Variants in MRPS28 observed in about 807,000 individuals in gnomAD.
MRPS28 encodes the protein small ribosomal subunit protein bS1m.
In MRPS28, 7 loss-of-function variants were observed where a neutral mutation model predicts 10.8. That is an observed-to-expected ratio of 0.65 (90% CI 0.37 to 1.22). MRPS28 has a LOEUF of 1.22. Ranked by LOEUF, MRPS28 falls within the 50% of genes most tolerant of loss-of-function variation. MRPS28 has a pLI of 0.02. For synonymous variants in MRPS28, 121 were observed against 93.3 expected (o/e 1.30, Z -1.71); for missense variants, 265 against 232.9 (o/e 1.14, Z -0.90).
chr8:79,998,955 AGTT>A (rs775502559), intron 2 of MRPS28, among the ~76,000 whole-genome samples: 17 of 152,362 alleles, frequency 1.1e-4, no homozygotes, highest in Non-Finnish European at 2.4e-4. Context: ...TATTTCAATT[AGTT>A]ATTTTTCATT....
intron 2 of MRPS28, among the ~76,000 whole-genome samples, chr8:79,941,623 G>T (rs970897711): frequency 3.9e-5 from 6 of 152,122 alleles, no homozygotes; most frequent in African/African-American, 1.2e-4. Context: ...ATGAAATAGA[G>T]TTCTTTCAAG....
chr8:79,964,439 T>C (rs1807453003), intron 2 of MRPS28, among the ~76,000 whole-genome samples: 1 of 152,084 alleles, frequency 6.6e-6, no homozygotes, highest in South Asian at 2.1e-4. Flanking sequence ...CCAAAAAACC[T>C]AGTTAGAGCA....
chr8:80,029,559 T>C (rs935725373), intron 1 of MRPS28, among the ~76,000 whole-genome samples: 2 of 152,142 alleles, frequency 1.3e-5, no homozygotes, highest in African/African-American at 4.8e-5. Context: ...CTTGCCCAAG[T>C]TCAGAAAGTG....
intron 2 of MRPS28, among the ~76,000 whole-genome samples, chr8:79,932,145 C>T (rs974896143): frequency 6.6e-6 from 1 of 152,126 alleles, no homozygotes; most frequent in Non-Finnish European, 1.5e-5. Context: ...CTAGATGCTG[C>T]AATAACCAGT....
rs1486473395 is a variant in MRPS28 at position 80,030,219 on chromosome 8, C to T, written c.30G>A (p.Val10=). 1 of 1,614,046 alleles carries T rather than the reference C, an allele frequency of 6.2e-7. No homozygotes were observed. Among genetic ancestry groups the T allele is most frequent in the Non-Finnish European group, 8.5e-7 (1 of 1,180,054 alleles). MAALCRTRA[V]AAESHFLRVF... is the part of the protein sequence containing the mutation. ...CTCGCAGAAAATGGCTCTCGGCAGCCACAGCACGGGTCCGACACAGCGCCG... is the reference window on the plus strand; with the variant it reads ...CTCGCAGAAAATGGCTCTCGGCAGCTACAGCACGGGTCCGACACAGCGCCG... Residue 10 remains valine (V), a synonymous_variant, in exon 1 of 3, where the codon GTG becomes GTA. Transcript: ENST00000276585.
At chr8:79,957,017 G>A (rs1807233520) in intron 2 of MRPS28, 1 of 152,196 alleles carries the variant, frequency 6.6e-6, no homozygotes, top group South Asian at 2.1e-4. Flanking sequence ...CCTGCCGCAT[G>A]AATTCTGAGC....
At chr8:80,000,226 G>C (rs1032684768) in intron 2 of MRPS28, among the ~76,000 whole-genome samples, 1 of 152,166 alleles carries the variant, frequency 6.6e-6, no homozygotes, top group African/African-American at 2.4e-5. Flanking sequence ...CCTCCCTCTT[G>C]ATGATCCTCA....
At position 79,922,991 on chromosome 8, in the gene MRPS28, C is replaced by T. The variant is rs149351170; in HGVS notation, c.396-3843G>A. Among the ~76,000 whole-genome samples, 240 of 152,134 alleles carry T rather than the reference C, an allele frequency of 1.6e-3. 2 individuals carry two copies. Among genetic ancestry groups the T allele is most frequent in the African/African-American group, 5.4e-3 (226 of 41,530 alleles). On this transcript the variant is annotated intron_variant, in intron 2 of 2. Transcript: ENST00000276585. ...TGTTCTGAAGAAATTTACGTATGGT[C>T]CATCAAGTAAACATTTAGGCTATTC...
At chr8:79,946,809 C>CAAA (rs959541550) in intron 2 of MRPS28, among the ~76,000 whole-genome samples, 1 of 152,034 alleles carries the variant, frequency 6.6e-6, no homozygotes, top group Non-Finnish European at 1.5e-5. Flanking sequence ...AAATAACAAG[C>CAAA]GTTTGTATTT....
intron 2 of MRPS28, among the ~76,000 whole-genome samples, chr8:79,946,217 T>C (rs1806914252): frequency 6.6e-6 from 1 of 152,148 alleles, no homozygotes; most frequent in Admixed American, 6.5e-5. Context: ...ATAATCAAAA[T>C]GTCCCATCTT....
intron 1 of MRPS28, among the ~76,000 whole-genome samples, chr8:80,026,695 GCAC>G (rs1261907245): frequency 6.6e-6 from 1 of 152,046 alleles, no homozygotes; most frequent in African/African-American, 2.4e-5. Flanking sequence ...TGTTACTCTG[GCAC>G]CACAAGTTAA....
chr8:80,026,563 T>C (rs1481388964), intron 1 of MRPS28, among the ~76,000 whole-genome samples: 2 of 152,206 alleles, frequency 1.3e-5, no homozygotes, highest in African/African-American at 4.8e-5. Context: ...GTGCCCACTA[T>C]GGGTCAAGGA....
At chr8:80,021,659 C>T (rs1563545379) in intron 1 of MRPS28, among the ~76,000 whole-genome samples, 1 of 152,176 alleles carries the variant, frequency 6.6e-6, no homozygotes. Flanking sequence ...CACTGCATTG[C>T]TTCTAACAAC....
At chr8:79,925,925 T>G (rs1443130693) in intron 2 of MRPS28, among the ~76,000 whole-genome samples, 1 of 148,526 alleles carries the variant, frequency 6.7e-6, no homozygotes, top group African/African-American at 2.5e-5. Flanking sequence ...TGGTCGAGGC[T>G]ATAGTAAGCC....
chr8:79,949,283 A>G (rs2129962776), intron 2 of MRPS28, among the ~76,000 whole-genome samples: 1 of 152,210 alleles, frequency 6.6e-6, no homozygotes, highest in South Asian at 2.1e-4. Context: ...GCGCTGTGGT[A>G]GGCGCCTGTA....
At chr8:79,945,369 T>C (rs1264386111) in intron 2 of MRPS28, among the ~76,000 whole-genome samples, 5 of 152,096 alleles carry the variant, frequency 3.3e-5, no homozygotes, top group East Asian at 1.9e-4. Flanking sequence ...TCAGCACACA[T>C]AGGCACCAGA....
Position 80,011,138 on chromosome 8 carries a change from T to A in MRPS28, c.214-7958A>T, listed in dbSNP as rs577454555. Among the ~76,000 whole-genome samples the A allele has an allele frequency of 5.7e-3, 808 of 141,388 alleles. 4 individuals carry two copies. Among genetic ancestry groups the A allele is most frequent in the East Asian group, 0.034 (171 of 5,046 alleles). 92.8% of individuals were successfully genotyped at this position (141,388 alleles called of 152,430 possible). On this transcript the variant is annotated intron_variant, in intron 1 of 2. Coordinates refer to ENST00000276585, the MANE Select transcript of MRPS28 (RefSeq NM_014018.3). ...ATTCTTTTTTTTTTATTTTTTTATT[T>A]TTATTTTTTTTTGTAAGCCATTCTT...
chr8:79,931,630 T>C (rs1441009762), intron 2 of MRPS28, among the ~76,000 whole-genome samples: 1 of 152,154 alleles, frequency 6.6e-6, no homozygotes, highest in African/African-American at 2.4e-5. Context: ...ATAATGCATA[T>C]AAAAGACTTA....
intron 2 of MRPS28, among the ~76,000 whole-genome samples, chr8:79,979,560 G>A (rs575914945): frequency 6.6e-6 from 1 of 152,102 alleles, no homozygotes; most frequent in East Asian, 1.9e-4. Context: ...GTCTTACTCT[G>A]TCACCCAGGC....
Sources: gnomAD v4.1 joint callset for allele counts (sites outside exome capture counted in the v4.1 genomes callset) on GRCh38, gnomAD v4.1.1 for gene constraint, MANE v1.5 for transcripts, NCBI Gene and HGNC (gene_info 2026-07-23, HGNC 2026-07-21) for gene names.